TYW1: variants seen among roughly 807,000 people sequenced by gnomAD.
The protein encoded by TYW1 is S-adenosyl-L-methionine-dependent tRNA 4-demethylwyosine synthase TYW1.
TYW1 carries 46 observed loss-of-function variants against 96.2 expected under a neutral mutation model. The observed-to-expected ratio is 0.48, with a 90% CI of 0.38 to 0.61. The LOEUF (loss-of-function observed/expected upper bound fraction) is 0.61. TYW1 is among the 20% of genes least tolerant of loss of function. The pLI, the probability that TYW1 is intolerant of heterozygous loss-of-function variation, is 0.00. For missense variants in TYW1, 684 were observed against 909.6 expected, an observed-to-expected ratio of 0.75 and a Z score of 3.19; for synonymous variants, 274 against 323.0, an observed-to-expected ratio of 0.85 and a Z score of 1.63.
chr7:67,159,593 G>A (rs932259444), intron 13 of TYW1, among the ~76,000 whole-genome samples: 7 of 151,724 alleles, frequency 4.6e-5, no homozygotes, highest in African/African-American at 1.7e-4. Context: ...GCAGTCCAAA[G>A]GCATTTTTCC....
Position 67,014,400 on chromosome 7 carries a change from G to T in TYW1, c.409G>T (p.Ala137Ser), listed in dbSNP as rs1466794385. ...TSKNVCVFLV[A>S]TYTDGLPTES... ...TAAAAATGTCTGTGTCTTCCTGGTTGCGACATACACTGACGGCCTACCAAC... is the reference window on the plus strand; with the variant it reads ...TAAAAATGTCTGTGTCTTCCTGGTTTCGACATACACTGACGGCCTACCAAC... Residue 137 changes from alanine (A) to serine (S), a missense_variant, in exon 5 of 16, where the codon GCG becomes TCG. Transcript: ENST00000359626. The T allele has an allele frequency of 6.2e-7, 1 of 1,612,116 alleles. No individual in the cohort carries two copies. Among genetic ancestry groups the T allele is most frequent in the Admixed American group, 1.7e-5 (1 of 59,630 alleles).
chr7:67,155,509 G>T (rs559447725), intron 13 of TYW1, among the ~76,000 whole-genome samples: 1 of 152,078 alleles, frequency 6.6e-6, no homozygotes, highest in Admixed American at 6.5e-5. Flanking sequence ...GTGCAAAACT[G>T]TGAGCGAATT....
At chr7:67,218,552 C>T (rs1801277391) in intron 15 of TYW1, among the ~76,000 whole-genome samples, 1 of 151,992 alleles carries the variant, frequency 6.6e-6, no homozygotes, top group Non-Finnish European at 1.5e-5. Flanking sequence ...AGGGTTTTAC[C>T]ATGTTGACCA....
At chr7:67,059,535 A>T (rs1226856379) in intron 9 of TYW1, among the ~76,000 whole-genome samples, 2 of 150,590 alleles carry the variant, frequency 1.3e-5, no homozygotes, top group Admixed American at 1.3e-4. Flanking sequence ...TGGGCAGATG[A>T]CGTTGGCAGA....
At chr7:67,125,811 G>A (rs1797896328) in intron 13 of TYW1, among the ~76,000 whole-genome samples, 1 of 152,134 alleles carries the variant, frequency 6.6e-6, no homozygotes, top group African/African-American at 2.4e-5. Flanking sequence ...CATATAGTTG[G>A]AATCATACTG....
chr7:67,236,400 C>T (rs1286373869), intron 15 of TYW1, among the ~76,000 whole-genome samples: 1 of 152,232 alleles, frequency 6.6e-6, no homozygotes, highest in African/African-American at 2.4e-5. Flanking sequence ...GAAGGGCCTG[C>T]GTGACCAAGT....
chr7:67,063,824 G>A (rs1795775266), intron 9 of TYW1, among the ~76,000 whole-genome samples: 1 of 151,602 alleles, frequency 6.6e-6, no homozygotes, highest in Non-Finnish European at 1.5e-5. Context: ...GGATGGTCTT[G>A]ATCTCCTGAC....
intron 13 of TYW1, among the ~76,000 whole-genome samples, chr7:67,127,439 C>G (rs775059326): frequency 6.6e-6 from 1 of 152,080 alleles, no homozygotes; most frequent in Non-Finnish European, 1.5e-5. Flanking sequence ...GGATTATAGG[C>G]TTGACCCACT....
At chr7:66,999,544 G>T (rs1793307577) in intron 3 of TYW1, among the ~76,000 whole-genome samples, 1 of 152,096 alleles carries the variant, frequency 6.6e-6, no homozygotes, top group South Asian at 2.1e-4. Context: ...GTAGAGATGG[G>T]TGTTTTGCCA....
intron 13 of TYW1, among the ~76,000 whole-genome samples, chr7:67,170,311 A>G (rs1431293817): frequency 1.3e-5 from 2 of 152,216 alleles, no homozygotes; most frequent in East Asian, 1.9e-4. Context: ...TTATGGTGGT[A>G]CCACATAATC....
Position 67,055,889 on chromosome 7 carries a change from T to C in TYW1, c.1155+2T>C. 3.1e-6 allele frequency: 5 copies of C among 1,612,372 alleles called. No homozygotes were observed. Among genetic ancestry groups the C allele is most frequent in the Non-Finnish European group, 4.2e-6 (5 of 1,179,142 alleles). On this transcript the variant is annotated splice_donor_variant, in intron 9 of 15. Coordinates refer to ENST00000359626, the MANE Select transcript of TYW1 (RefSeq NM_018264.4). LOFTEE classifies it high-confidence loss of function. ...GTGAAGCTTTGCAGGTGGACAAAGG[T>C]ATTTTTTTTGTTTTTATTCAATATG...
chr7:67,020,241 G>A (rs1259200109), intron 6 of TYW1, among the ~76,000 whole-genome samples: 4 of 152,284 alleles, frequency 2.6e-5, no homozygotes, highest in East Asian at 1.9e-4. Context: ...AAAGTAGACA[G>A]GATGGTGGCT....
Position 67,238,896 on chromosome 7 carries a change from TC to T in TYW1, c.*371del. ...ACAAGGAAGAAGTCCCTGGGCCTCT[TC>T]CCCTTACCCGGCCCTTAGATTTCAT... On this transcript the variant is annotated 3_prime_UTR_variant, in exon 16 of 16. Transcript: ENST00000359626. The T allele has an allele frequency of 6.6e-6, 7 of 1,060,886 alleles. No individual in the cohort carries two copies. The highest frequency in any genetic ancestry group is 8.0e-6 in the Non-Finnish European group (7 of 874,648). 65.7% of individuals were successfully genotyped at this position (1,060,886 alleles called of 1,614,324 possible).
At chr7:67,234,380 T>C (rs571897975) in intron 15 of TYW1, among the ~76,000 whole-genome samples, 1 of 143,390 alleles carries the variant, frequency 7.0e-6, no homozygotes, top group African/African-American at 2.6e-5. Flanking sequence ...AGAAGAGACA[T>C]GAGAGGGCCC....
At chr7:67,202,631 G>A (rs1355971481) in intron 15 of TYW1, among the ~76,000 whole-genome samples, 2 of 151,996 alleles carry the variant, frequency 1.3e-5, no homozygotes, top group African/African-American at 4.8e-5. Flanking sequence ...TCCTGGGCTC[G>A]AGCAGCCCTC....
intron 15 of TYW1, among the ~76,000 whole-genome samples, chr7:67,207,637 C>T (rs1022174975): frequency 6.0e-5 from 9 of 150,006 alleles, no homozygotes; most frequent in African/African-American, 2.0e-4. Context: ...TTGAAAATTC[C>T]CCAGTTGTGA....
intron 7 of TYW1, among the ~76,000 whole-genome samples, chr7:67,042,445 A>G (rs1320766407): frequency 1.3e-5 from 2 of 152,114 alleles, no homozygotes; most frequent in African/African-American, 2.4e-5. Context: ...AGATGGAGAT[A>G]TGGGAGGAAT....
At chr7:67,030,902 TAAAAA>T (rs1188559266) in intron 7 of TYW1, among the ~76,000 whole-genome samples, 1 of 149,304 alleles carries the variant, frequency 6.7e-6, no homozygotes, top group Non-Finnish European at 1.5e-5. Context: ...TACATCAAAT[TAAAAA>T]AAAAATTAGT....
intron 10 of TYW1, among the ~76,000 whole-genome samples, chr7:67,071,450 G>A (rs540156430): frequency 4.5e-4 from 67 of 147,272 alleles, no homozygotes; most frequent in Middle Eastern, 3.5e-3. Context: ...CATTTCTTTC[G>A]CTTTTTTTTT....
Sources: gnomAD v4.1 joint callset for allele counts (sites outside exome capture counted in the v4.1 genomes callset) on GRCh38, gnomAD v4.1.1 for gene constraint, MANE v1.5 for transcripts, NCBI Gene and HGNC (gene_info 2026-07-23, HGNC 2026-07-21) for gene names.